MAST4: variants seen among roughly 807,000 people sequenced by gnomAD.
The protein encoded by MAST4 is microtubule associated serine/threonine kinase family member 4.
MAST4 carries 89 observed loss-of-function variants against 162.7 expected under a neutral mutation model. That is an observed-to-expected ratio of 0.55 (90% CI 0.46 to 0.65). The LOEUF is 0.65. MAST4 is among the 30% of genes least tolerant of loss of function. The pLI is 0.00. For synonymous variants in MAST4, 1,479 were observed against 1,361.1 expected (o/e 1.09, Z -1.91); for missense variants, 3,153 against 3,374.0 (o/e 0.93, Z 1.62).
chr5:66,695,630 T>C (rs1477972178), intron 1 of MAST4, among the ~76,000 whole-genome samples: 2 of 152,178 alleles, frequency 1.3e-5, no homozygotes, highest in Non-Finnish European at 2.9e-5. Context: ...TTCATGATAC[T>C]GATTTTTCCA....
intron 1 of MAST4, among the ~76,000 whole-genome samples, chr5:66,677,486 C>T (rs1337341602): frequency 6.6e-5 from 10 of 152,104 alleles, no homozygotes; most frequent in South Asian, 2.1e-4. Context: ...TGCCTTTGTT[C>T]GTTTATTCAA....
At chr5:66,907,597 TG>T (rs1763462579) in intron 4 of MAST4, among the ~76,000 whole-genome samples, 3 of 64,708 alleles carry the variant, frequency 4.6e-5, no homozygotes, top group Admixed American at 1.5e-4. Flanking sequence ...CGTGTGTGTG[TG>T]TGTGTGTGTG....
chr5:66,829,423 C>T (rs1359820183), intron 3 of MAST4, among the ~76,000 whole-genome samples: 5 of 152,144 alleles, frequency 3.3e-5, no homozygotes, highest in Non-Finnish European at 7.4e-5. Context: ...ATGTAACTCA[C>T]TGCCTTGCTT....
At chr5:66,926,179 TC>T (rs1435771684) in intron 4 of MAST4, among the ~76,000 whole-genome samples, 2 of 152,222 alleles carry the variant, frequency 1.3e-5, no homozygotes, top group Non-Finnish European at 1.5e-5. Flanking sequence ...CTGTCTTATG[TC>T]ACAGCCTTAT....
chr5:66,700,779 A>T (rs1376868456), intron 1 of MAST4, among the ~76,000 whole-genome samples: 1 of 120,384 alleles, frequency 8.3e-6, no homozygotes, highest in African/African-American at 3.3e-5. Flanking sequence ...TTAAAAAAAA[A>T]ATTATATATA....
At chr5:66,910,327 G>A (rs907450622) in intron 4 of MAST4, among the ~76,000 whole-genome samples, 2 of 152,290 alleles carry the variant, frequency 1.3e-5, no homozygotes, top group Middle Eastern at 3.4e-3. Context: ...CACTGGTGTG[G>A]TGTAATGGTC....
intron 1 of MAST4, among the ~76,000 whole-genome samples, chr5:66,697,838 A>C (rs1749501870): frequency 6.6e-6 from 1 of 152,210 alleles, no homozygotes; most frequent in African/African-American, 2.4e-5. Flanking sequence ...TATAATCACA[A>C]GGATTTATCA....
intron 3 of MAST4, among the ~76,000 whole-genome samples, chr5:66,852,107 T>A (rs1759356772): frequency 6.6e-6 from 1 of 152,188 alleles, no homozygotes; most frequent in Non-Finnish European, 1.5e-5. Flanking sequence ...TGTATATATA[T>A]AGATATATAA....
intron 10 of MAST4, among the ~76,000 whole-genome samples, chr5:67,107,265 T>C: frequency 6.6e-6 from 1 of 152,216 alleles, no homozygotes; most frequent in East Asian, 1.9e-4. Context: ...ATTTTGTTTC[T>C]GTGACAGACA....
chr5:66,789,201 G>A (rs993659089), intron 3 of MAST4, among the ~76,000 whole-genome samples: 3 of 151,228 alleles, frequency 2.0e-5, no homozygotes, highest in African/African-American at 7.3e-5. Flanking sequence ...GTGTATGTAT[G>A]TGTGTATGTG....
At chr5:66,648,611 A>G (rs941403241) in intron 1 of MAST4, among the ~76,000 whole-genome samples, 1 of 152,100 alleles carries the variant, frequency 6.6e-6, no homozygotes, top group Non-Finnish European at 1.5e-5. Context: ...TAATTTTAAT[A>G]TTTCATTGCA....
intron 14 of MAST4, among the ~76,000 whole-genome samples, chr5:67,126,420 T>C (rs780295461): frequency 5.9e-5 from 9 of 152,196 alleles, no homozygotes; most frequent in Non-Finnish European, 1.2e-4. Flanking sequence ...TTAATTTTTG[T>C]ATAAGGTTTA....
chr5:67,104,200 G>A (rs1765345637), intron 9 of MAST4, among the ~76,000 whole-genome samples, 166 bp from the exon 10 acceptor site: 1 of 152,162 alleles, frequency 6.6e-6, no homozygotes, highest in Non-Finnish European at 1.5e-5. Context: ...TGACATGTAT[G>A]TACCATTATT....
At chr5:66,941,233 G>T (rs1359945710) in intron 4 of MAST4, among the ~76,000 whole-genome samples, 1 of 152,038 alleles carries the variant, frequency 6.6e-6, no homozygotes, top group African/African-American at 2.4e-5. Flanking sequence ...CCTAAAGAGG[G>T]AGTCAGGCTG....
At chr5:67,060,508 T>G (rs1010015335) in intron 5 of MAST4, among the ~76,000 whole-genome samples, 1 of 148,140 alleles carries the variant, frequency 6.8e-6, no homozygotes, top group Non-Finnish European at 1.5e-5. Context: ...GAGACAGTCT[T>G]GCTCTGTCGC....
At chr5:66,949,653 G>A (rs1255350645) in intron 4 of MAST4, among the ~76,000 whole-genome samples, 1 of 152,166 alleles carries the variant, frequency 6.6e-6, no homozygotes, top group Non-Finnish European at 1.5e-5. Flanking sequence ...TTTGGTCACA[G>A]ATAGTCTGTA....
intron 5 of MAST4, among the ~76,000 whole-genome samples, chr5:67,056,544 G>A (rs1233865111): frequency 1.3e-5 from 2 of 152,062 alleles, no homozygotes; most frequent in Non-Finnish European, 2.9e-5. Flanking sequence ...TTCTAATATT[G>A]AGACGACAGA....
intron 4 of MAST4, among the ~76,000 whole-genome samples, chr5:67,003,159 C>T (rs1751480797): frequency 2.0e-5 from 3 of 152,018 alleles, no homozygotes; most frequent in Non-Finnish European, 4.4e-5. Flanking sequence ...GGCAAAAATG[C>T]TGGACCAAGC....
At chr5:67,128,853 A>G (rs1246115884) in intron 14 of MAST4, among the ~76,000 whole-genome samples, 1 of 152,204 alleles carries the variant, frequency 6.6e-6, no homozygotes, top group South Asian at 2.1e-4. Context: ...ATGGCTGTTC[A>G]GGTAAATGAT....
Sources: allele counts gnomAD v4.1 joint callset (sites outside exome capture counted in the v4.1 genomes callset), GRCh38; gene constraint gnomAD v4.1.1; transcripts MANE v1.5; gene names NCBI Gene and HGNC (gene_info 2026-07-23, HGNC 2026-07-21).